GRK1: variants seen among roughly 807,000 people sequenced by gnomAD.
GRK1 encodes the protein G protein-coupled receptor kinase 1, also known as rhodopsin kinase GRK1.
In GRK1, 28 loss-of-function variants were observed where a neutral mutation model predicts 41.7. That is an observed-to-expected ratio of 0.67 (90% CI 0.50 to 0.92). The LOEUF is 0.92. GRK1 is among the 40% of genes least tolerant of loss of function. The pLI, the probability that GRK1 is intolerant of heterozygous loss-of-function variation, is 0.00. For synonymous variants in GRK1, 327 were observed against 286.7 expected, an observed-to-expected ratio of 1.14 and a Z score of -1.42; for missense variants, 703 against 671.2, an observed-to-expected ratio of 1.05 and a Z score of -0.52.
At chr13:113,648,284 T>C in the GRK1 span, among the ~76,000 whole-genome samples, 1 of 152,182 alleles carries the variant, frequency 6.6e-6, no homozygotes. Context: ...ATCTGCAAGG[T>C]TTTTAATCTT....
chr13:113,729,065 G>C (rs891168510), intron 4 of GRK1, among the ~76,000 whole-genome samples: 1 of 152,162 alleles, frequency 6.6e-6, no homozygotes, highest in African/African-American at 2.4e-5. Context: ...GTCAGGCCGC[G>C]GTGAAGGGAG....
At chr13:113,652,883 T>TAA in the GRK1 span, 4 of 1,614,202 alleles carry the variant, frequency 2.5e-6, no homozygotes, top group Non-Finnish European at 3.4e-6. Flanking sequence ...CCTGTTCATT[T>TAA]TAATAATAAA....
chr13:113,733,518 TGC>T (rs1566699286), intron 6 of GRK1, among the ~76,000 whole-genome samples: 48 of 149,248 alleles, frequency 3.2e-4, no homozygotes, highest in Middle Eastern at 7.2e-3. Flanking sequence ...CACGTGTGTG[TGC>T]ATGTGTGCGC....
intron 4 of GRK1, among the ~76,000 whole-genome samples, chr13:113,727,677 T>G (rs1317918756): frequency 1.7e-4 from 17 of 98,876 alleles, no homozygotes; most frequent in African/African-American, 5.9e-4. Flanking sequence ...CGATGAGGAG[T>G]ACCCATGGCG....
At position 113,671,080 on chromosome 13, in the gene GRK1, G is replaced by A. The variant is rs1187648049; in HGVS notation, c.828-419G>A. The stretch of plus-strand genomic sequence containing the variant: ...CCTGTCCGTGGAAAACATAAGAGAT[G>A]ATGTTCTATGGGGGAGGAAAGAGGC... On this transcript the variant is annotated intron_variant, in intron 2 of 6. Coordinates refer to ENST00000335678, the MANE Select transcript of GRK1 (RefSeq NM_002929.3). The surrounding 1 kb of genome is among the most constrained non-coding windows in gnomAD (Gnocchi z 4.1). Among the ~76,000 whole-genome samples, 3 of 152,216 alleles carry A rather than the reference G, an allele frequency of 2.0e-5. No homozygotes were observed. The highest frequency in any genetic ancestry group is 3.8e-4 in the East Asian group (2 of 5,200).
chr13:113,652,644 T>G, the GRK1 span: 1 of 626,030 alleles, frequency 1.6e-6, no homozygotes, highest in Non-Finnish European at 2.9e-6. Flanking sequence ...TTCCACATGT[T>G]TTAGAGGGCC....
chr13:113,654,259 T>C, the GRK1 span, among the ~76,000 whole-genome samples: 1 of 152,234 alleles, frequency 6.6e-6, no homozygotes, highest in African/African-American at 2.4e-5. Flanking sequence ...CAGCAGGGTC[T>C]GAGGGAAAAG....
At chr13:113,661,674 T>C in the GRK1 span, among the ~76,000 whole-genome samples, 7 of 152,314 alleles carry the variant, frequency 4.6e-5, no homozygotes, top group South Asian at 6.2e-4. Flanking sequence ...CTACAGACCC[T>C]GCAAACATCA....
Position 113,735,510 on chromosome 13 carries a change from C to T in GRK1, c.*147C>T. ...CCCCATCACGCCATCTCCTTGCGGC[C>T]CAAGGAGGAGAAAGCCCACATCGGC... On this transcript the variant is annotated 3_prime_UTR_variant, in exon 7 of 7. Coordinates refer to ENST00000335678, the MANE Select transcript of GRK1 (RefSeq NM_002929.3). 1.1e-6 allele frequency: 1 copy of T among 896,024 alleles called. No homozygotes were observed. Among genetic ancestry groups the T allele is most frequent in the East Asian group, 2.9e-5 (1 of 34,616 alleles). 55.5% of individuals were successfully genotyped at this position (896,024 alleles called of 1,614,324 possible).
At position 113,667,893 on chromosome 13, in the gene GRK1, G is replaced by C. The variant is rs1185981835; in HGVS notation, c.507G>C (p.Leu169=). ...CCTTCCAGGAGTACCTGGGCAGCCT[G>C]TACTTCCTGAGGTTCCTGCAGTGGA... is the stretch of plus-strand genomic sequence containing the variant. ...QAPFQEYLGS[L]YFLRFLQWKW... The change falls in exon 1 of 7, where the codon CTG becomes CTC. Residue 169 remains leucine (L), a synonymous_variant. Transcript: ENST00000335678. The surrounding 1 kb of genome is among the most constrained non-coding windows in gnomAD (Gnocchi z 7.5). 2 of 1,600,826 alleles carry C rather than the reference G, an allele frequency of 1.2e-6. No homozygotes were observed. Among genetic ancestry groups the C allele is most frequent in the African/African-American group, 2.7e-5 (2 of 74,588 alleles).
At chr13:113,728,637 C>T (rs942345972) in intron 4 of GRK1, among the ~76,000 whole-genome samples, 2 of 152,130 alleles carry the variant, frequency 1.3e-5, no homozygotes, top group Admixed American at 6.5e-5. Flanking sequence ...GTGGCCATCA[C>T]TCAGAGACGC....
At chr13:113,729,471 A>G (rs2049917986) in intron 4 of GRK1, among the ~76,000 whole-genome samples, 1 of 152,198 alleles carries the variant, frequency 6.6e-6, no homozygotes, top group Admixed American at 6.5e-5. Context: ...GGATCTCGCT[A>G]AAAGTACAAA....
Position 113,667,816 on chromosome 13 carries a change from G to C in GRK1, c.430G>C (p.Gly144Arg), listed in dbSNP as rs375261749. Residue 144 changes from glycine (G) to arginine (R), a missense_variant, in exon 1 of 7, where the codon GGG (glycine) becomes CGG (arginine). Transcript: ENST00000335678. This position sits in a 1 kb window ranked among gnomAD's most constrained non-coding sequence, Gnocchi z 7.5. ...GGAGGGGCCTGTGGAGATCCAGGAC[G>C]GGCTCTTCCAGCCCCTGCTGCAGGC... ...FKEGPVEIQD[G>R]LFQPLLQATL... The C allele has an allele frequency of 8.1e-6, 13 of 1,600,858 alleles. No homozygotes were observed. The highest frequency in any genetic ancestry group is 1.1e-5 in the South Asian group (1 of 89,954).
chr13:113,669,089 T>A (rs1386940089), intron 1 of GRK1, among the ~76,000 whole-genome samples: 2 of 152,236 alleles, frequency 1.3e-5, no homozygotes, highest in African/African-American at 4.8e-5. Flanking sequence ...ACATTCAGCC[T>A]CTTTTCCTGA....
chr13:113,651,649 C>T, the GRK1 span: 1 of 1,589,970 alleles, frequency 6.3e-7, no homozygotes, highest in Non-Finnish European at 8.6e-7. Context: ...GGCAGCCCTG[C>T]CCGCCGCGCG....
intron 4 of GRK1, among the ~76,000 whole-genome samples, chr13:113,725,385 T>C (rs1179068835): frequency 1.3e-3 from 19 of 14,444 alleles, no homozygotes; most frequent in Middle Eastern, 0.036. Flanking sequence ...AGGGGCGGGA[T>C]CCAGGGGCGT....
the GRK1 span, among the ~76,000 whole-genome samples, chr13:113,657,314 G>A: frequency 6.6e-6 from 1 of 152,208 alleles, no homozygotes; most frequent in Non-Finnish European, 1.5e-5. Flanking sequence ...CCCAGGGGTC[G>A]CAGGGGGAGG....
At chr13:113,665,339 C>G (rs1254957865), upstream of GRK1, among the ~76,000 whole-genome samples, 61 of 151,370 alleles carry the variant, frequency 4.0e-4, no homozygotes, top group African/African-American at 1.4e-3. Flanking sequence ...CAGGTGTGTC[C>G]CAGGTGTGTT....
At chr13:113,656,649 T>G in the GRK1 span, among the ~76,000 whole-genome samples, 1 of 152,122 alleles carries the variant, frequency 6.6e-6, no homozygotes, top group Non-Finnish European at 1.5e-5. Flanking sequence ...CCTGCACCCG[T>G]CCCCCAATTA....
Sources: gnomAD v4.1 joint callset for allele counts (sites outside exome capture counted in the v4.1 genomes callset) on GRCh38, gnomAD v4.1.1 for gene constraint, Gnocchi (gnomAD v3.1) non-coding constraint, MANE v1.5 for transcripts, NCBI Gene and HGNC (gene_info 2026-07-23, HGNC 2026-07-21) for gene names.